The following SRD5A2 variants were observed in gnomAD, a reference collection of about 807,000 sequenced individuals.
SRD5A2 encodes the protein steroid 5 alpha-reductase 2, also known as 3-oxo-5-alpha-steroid 4-dehydrogenase 2.
In SRD5A2, 30 loss-of-function variants were observed where a neutral mutation model predicts 27.4. The observed-to-expected ratio is 1.10, with a 90% CI of 0.82 to 1.49. The LOEUF is 1.49. Among genes scored for constraint, SRD5A2 ranks in the 40% most tolerant of loss-of-function variants. The pLI is 0.00. For missense variants in SRD5A2, 348 were observed against 323.4 expected (o/e 1.08, Z -0.58); for synonymous variants, 141 against 133.6 (o/e 1.06, Z -0.38).
At chr2:31,596,904 A>G in the SRD5A2 span, among the ~76,000 whole-genome samples, 2 of 152,174 alleles carry the variant, frequency 1.3e-5, no homozygotes, top group Non-Finnish European at 2.9e-5. Context: ...AATATTGTGA[A>G]AGTGACCACC....
chr2:31,529,474 C>A lies in SRD5A2; in HGVS notation c.548-17G>T, dbSNP rs374815795. ...ACAAGCCACCTGCGTGCAGAAGAATCGGAAGGTCAATCATTGCAACTGAAT... is the reference window on the plus strand; with the variant it reads ...ACAAGCCACCTGCGTGCAGAAGAATAGGAAGGTCAATCATTGCAACTGAAT... On this transcript the variant is annotated splice_polypyrimidine_tract_variant and intron_variant, in intron 3 of 4. Transcript: ENST00000622030. 1.2e-6 allele frequency: 2 copies of A among 1,608,982 alleles called. No individual in the cohort carries two copies. Among genetic ancestry groups the A allele is most frequent in the Non-Finnish European group, 1.7e-6 (2 of 1,176,938 alleles).
At chr2:31,648,810 G>A in the SRD5A2 span, among the ~76,000 whole-genome samples, 1 of 152,142 alleles carries the variant, frequency 6.6e-6, no homozygotes, top group Non-Finnish European at 1.5e-5. Context: ...TCTATTTGAA[G>A]CTTCTAATTC....
At chr2:31,565,732 G>GA (rs1345435516) in intron 1 of SRD5A2, among the ~76,000 whole-genome samples, 2 of 151,458 alleles carry the variant, frequency 1.3e-5, no homozygotes, top group Admixed American at 6.6e-5. Context: ...AGAGCTGTAA[G>GA]AAAAAAAAGC....
At chr2:31,643,492 A>G in the SRD5A2 span, among the ~76,000 whole-genome samples, 14 of 152,102 alleles carry the variant, frequency 9.2e-5, no homozygotes, top group African/African-American at 3.4e-4. Context: ...ATTTTTTTTT[A>G]GCTTTGTCTC....
At chr2:31,620,254 G>C in the SRD5A2 span, among the ~76,000 whole-genome samples, 3 of 151,990 alleles carry the variant, frequency 2.0e-5, no homozygotes, top group Non-Finnish European at 2.9e-5. Flanking sequence ...AAAGCTGGAA[G>C]CATTTACCTT....
In SRD5A2 at chr2:31,580,801, C is replaced by T. The variant is rs782032018; in HGVS notation, c.100G>A (p.Gly34Arg). 5 of 1,612,328 alleles carry T rather than the reference C, an allele frequency of 3.1e-6. No individual in the cohort carries two copies. The Admixed American group carries it at 5.0e-5, about 16-fold the overall frequency. The change falls in exon 1 of 5, where the codon GGG (glycine) becomes AGG (arginine). Residue 34 changes from glycine (G) to arginine (R), a missense_variant. Physicochemically the swap from Gly to Arg is moderately radical, Grantham distance 125. Transcript: ENST00000622030. Reference sequence around the variant, plus strand: ...GGCTTCAGGCTCTCCGTGTGCTTCCCGTAGCCGGAGGGCTTCGCGACGTAC... The same window carrying T: ...GGCTTCAGGCTCTCCGTGTGCTTCCTGTAGCCGGAGGGCTTCGCGACGTAC... ...ALYVAKPSGY[G>R]KHTESLKPAA...
rs186850396 is a variant in SRD5A2 at position 31,571,153 on chromosome 2, G to T, written c.281+9467C>A. On this transcript the variant is annotated intron_variant, in intron 1 of 4. Coordinates refer to ENST00000622030, the MANE Select transcript of SRD5A2 (RefSeq NM_000348.4). The stretch of plus-strand genomic sequence containing the variant: ...AAGGCTACAGTAACCAAAACAGCGT[G>T]GCACTGGTACAAAAACAGACATATA... Among the ~76,000 whole-genome samples, 20 of 152,262 alleles carry T rather than the reference G, an allele frequency of 1.3e-4. No homozygotes were observed. In the East Asian group the frequency reaches 3.7e-3, roughly 28 times the overall value.
At chr2:31,587,774 C>T in the SRD5A2 span, among the ~76,000 whole-genome samples, 432 of 152,056 alleles carry the variant, frequency 2.8e-3, 3 homozygotes, top group East Asian at 3.5e-3. Flanking sequence ...GGAGGGAGAG[C>T]GTTAGGACAA....
At chr2:31,660,690 T>C in the SRD5A2 span, among the ~76,000 whole-genome samples, 2 of 152,026 alleles carry the variant, frequency 1.3e-5, no homozygotes, top group Non-Finnish European at 2.9e-5. Context: ...AAAACTACTA[T>C]AAAAATTAAG....
chr2:31,539,285 A>C (rs1404461231), intron 1 of SRD5A2, among the ~76,000 whole-genome samples: 1 of 152,240 alleles, frequency 6.6e-6, no homozygotes, highest in Admixed American at 6.5e-5. Context: ...TGGCAACCAT[A>C]AAATGGAACC....
chr2:31,631,995 C>A, the SRD5A2 span, among the ~76,000 whole-genome samples: 1 of 152,146 alleles, frequency 6.6e-6, no homozygotes. Context: ...ATCCTACTGC[C>A]TTTCTGGAGA....
chr2:31,529,103 T>A (rs936298926), intron 4 of SRD5A2, among the ~76,000 whole-genome samples: 5 of 152,312 alleles, frequency 3.3e-5, no homozygotes, highest in East Asian at 3.9e-4. Context: ...TTAGAAAAAA[T>A]TTTATTACTG....
At chr2:31,654,749 C>A in the SRD5A2 span, among the ~76,000 whole-genome samples, 1 of 152,320 alleles carries the variant, frequency 6.6e-6, no homozygotes, top group South Asian at 2.1e-4. Flanking sequence ...AACTAAAACA[C>A]TCTGATCTGA....
upstream of SRD5A2, among the ~76,000 whole-genome samples, chr2:31,585,924 T>C (rs1667168338): frequency 6.6e-6 from 1 of 152,136 alleles, no homozygotes; most frequent in South Asian, 2.1e-4. Context: ...CCAGCAGTAC[T>C]TCTTGTGGGC....
At chr2:31,569,681 A>C (rs941326876) in intron 1 of SRD5A2, among the ~76,000 whole-genome samples, 16 of 151,638 alleles carry the variant, frequency 1.1e-4, no homozygotes, top group African/African-American at 2.4e-4. Flanking sequence ...AAAAAACAAA[A>C]AAAAAAAAAC....
At chr2:31,652,480 A>C in the SRD5A2 span, among the ~76,000 whole-genome samples, 1 of 152,182 alleles carries the variant, frequency 6.6e-6, no homozygotes, top group East Asian at 1.9e-4. Context: ...AAAAAAATTA[A>C]GGCCCAGCAC....
At chr2:31,625,138 G>A in the SRD5A2 span, among the ~76,000 whole-genome samples, 2 of 152,128 alleles carry the variant, frequency 1.3e-5, 1 homozygote, top group Admixed American at 1.3e-4. Context: ...TCATATGTCT[G>A]TTGGCTGTAC....
the SRD5A2 span, among the ~76,000 whole-genome samples, chr2:31,586,404 C>G: frequency 6.6e-6 from 1 of 152,170 alleles, no homozygotes; most frequent in Admixed American, 6.5e-5. Context: ...AGGCCTTGAG[C>G]AAACATAGGC....
the SRD5A2 span, among the ~76,000 whole-genome samples, chr2:31,623,024 G>C: frequency 1.3e-5 from 2 of 152,094 alleles, no homozygotes; most frequent in Admixed American, 1.3e-4. Context: ...GTAGTTGTAA[G>C]AGGATCACCT....
Sources: allele counts gnomAD v4.1 joint callset (sites outside exome capture counted in the v4.1 genomes callset), GRCh38; gene constraint gnomAD v4.1.1; transcripts MANE v1.5; gene names NCBI Gene and HGNC (gene_info 2026-07-23, HGNC 2026-07-21).